Variants in AUTS2 observed in about 807,000 individuals in gnomAD.
AUTS2 encodes the protein autism susceptibility gene 2 protein.
AUTS2 carries 17 observed loss-of-function variants against 112.4 expected under a neutral mutation model. That is an observed-to-expected ratio of 0.15 (90% CI 0.10 to 0.23). AUTS2 has a LOEUF of 0.23. AUTS2 is among the 10% of genes least tolerant of loss of function. The pLI is 1.00. For missense variants in AUTS2, 1,510 were observed against 1,701.6 expected, an observed-to-expected ratio of 0.89 and a Z score of 1.98; for synonymous variants, 751 against 702.7, an observed-to-expected ratio of 1.07 and a Z score of -1.09.
At chr7:70,605,546 C>CTTTTTTTTTTTTTTTTTTTTTTTTCTT in intron 5 of AUTS2, among the ~76,000 whole-genome samples, 1 of 70,664 alleles carries the variant, frequency 1.4e-5, no homozygotes, top group Non-Finnish European at 2.4e-5. Flanking sequence ...CCTTCTTTCT[C>CTTTTTTTTTTTTTTTTTTTTTTTTCTT]TTTTTTTTTT....
At chr7:70,579,330 G>T (rs769600954) in intron 5 of AUTS2, among the ~76,000 whole-genome samples, 1 of 148,592 alleles carries the variant, frequency 6.7e-6, no homozygotes, top group African/African-American at 2.5e-5. Flanking sequence ...GCAATGCTGA[G>T]AAGTGTCACT....
chr7:70,718,668 C>G (rs544359424), intron 6 of AUTS2, among the ~76,000 whole-genome samples: 1 of 152,112 alleles, frequency 6.6e-6, no homozygotes, highest in Non-Finnish European at 1.5e-5. Context: ...GTCTCAAAAA[C>G]AAACAAACAA....
intron 4 of AUTS2, among the ~76,000 whole-genome samples, chr7:70,386,628 A>G (rs184050965): frequency 2.6e-5 from 4 of 152,234 alleles, no homozygotes; most frequent in African/African-American, 9.6e-5. Context: ...AAGTCCAGTT[A>G]TATCTGCAAG....
intron 2 of AUTS2, among the ~76,000 whole-genome samples, chr7:69,931,525 A>T (rs1031247834): frequency 6.6e-6 from 1 of 152,072 alleles, no homozygotes; most frequent in Admixed American, 6.6e-5. Context: ...GTTCTGCTGT[A>T]TTCATTGTGG....
intron 4 of AUTS2, among the ~76,000 whole-genome samples, chr7:70,236,651 A>C (rs1483139435): frequency 6.6e-6 from 1 of 152,104 alleles, no homozygotes; most frequent in Non-Finnish European, 1.5e-5. Context: ...TTCAGTGAAA[A>C]TTGTTTCTTT....
At chr7:70,756,013 T>C (rs1789174081) in intron 6 of AUTS2, among the ~76,000 whole-genome samples, 1 of 152,152 alleles carries the variant, frequency 6.6e-6, no homozygotes, top group Non-Finnish European at 1.5e-5. Context: ...CTCCTCCTCC[T>C]CCTCAATTTT....
At chr7:70,606,534 C>T (rs1803777373) in intron 5 of AUTS2, among the ~76,000 whole-genome samples, 1 of 152,100 alleles carries the variant, frequency 6.6e-6, no homozygotes, top group Non-Finnish European at 1.5e-5. Context: ...GTGCAGCGCC[C>T]ATAAGCTTTT....
chr7:70,670,754 C>A (rs1479871896), intron 5 of AUTS2, among the ~76,000 whole-genome samples: 2 of 152,162 alleles, frequency 1.3e-5, no homozygotes, highest in African/African-American at 4.8e-5. Flanking sequence ...AACCCTCATC[C>A]CCTTAAACTT....
intron 2 of AUTS2, among the ~76,000 whole-genome samples, chr7:70,041,824 G>GTA (rs1801261598): frequency 6.6e-6 from 1 of 152,060 alleles, no homozygotes; most frequent in Admixed American, 6.6e-5. Context: ...AACAGTGAAG[G>GTA]TAATATTTTC....
chr7:70,568,698 A>G (rs1585313066), intron 5 of AUTS2, among the ~76,000 whole-genome samples: 1 of 152,280 alleles, frequency 6.6e-6, no homozygotes, highest in Middle Eastern at 3.4e-3. Flanking sequence ...CTTGGTTATC[A>G]TGCACTGCTC....
chr7:70,414,569 C>T (rs1182625166), intron 4 of AUTS2, among the ~76,000 whole-genome samples: 1 of 152,116 alleles, frequency 6.6e-6, no homozygotes, highest in Non-Finnish European at 1.5e-5. Flanking sequence ...AACGTGATGT[C>T]AGGAGAGACG....
chr7:70,379,691 AAT>A (rs1793280500), intron 4 of AUTS2, among the ~76,000 whole-genome samples: 1 of 152,112 alleles, frequency 6.6e-6, no homozygotes, highest in Non-Finnish European at 1.5e-5. Context: ...GAAATATTCA[AAT>A]ACAGGCTAGA....
At chr7:70,117,415 T>A (rs1805440092) in intron 2 of AUTS2, among the ~76,000 whole-genome samples, 1 of 152,164 alleles carries the variant, frequency 6.6e-6, no homozygotes, top group Non-Finnish European at 1.5e-5. Flanking sequence ...TTTGTTTCTT[T>A]TTTTGAGACA....
At chr7:70,746,624 C>T (rs528591795) in intron 6 of AUTS2, among the ~76,000 whole-genome samples, 4 of 152,038 alleles carry the variant, frequency 2.6e-5, no homozygotes, top group Non-Finnish European at 2.9e-5. Context: ...AGGGGTTAAC[C>T]GTGAGGCTGA....
intron 4 of AUTS2, among the ~76,000 whole-genome samples, chr7:70,284,766 A>G (rs1584973163): frequency 6.6e-6 from 1 of 152,158 alleles, no homozygotes; most frequent in Non-Finnish European, 1.5e-5. Context: ...TGATGTAGAG[A>G]TGGGGTCTGG....
chr7:70,341,206 A>G (rs1009189171), intron 4 of AUTS2, among the ~76,000 whole-genome samples: 1 of 152,200 alleles, frequency 6.6e-6, no homozygotes, highest in African/African-American at 2.4e-5. Context: ...AGGTGATATC[A>G]TTGCTTTTTA....
chr7:70,436,900 G>C (rs1348256927), intron 5 of AUTS2: 2 of 152,232 alleles, frequency 1.3e-5, no homozygotes, highest in Non-Finnish European at 2.9e-5. Context: ...ATATTCAGAT[G>C]AAGACAAATG....
chr7:69,717,800 T>C (rs930083867), intron 1 of AUTS2, among the ~76,000 whole-genome samples: 4 of 152,158 alleles, frequency 2.6e-5, no homozygotes, highest in Admixed American at 6.5e-5. Flanking sequence ...ACCCCCAATA[T>C]ATGCAGTGTC....
At chr7:70,140,555 G>GTAC (rs1376263559) in intron 4 of AUTS2, among the ~76,000 whole-genome samples, 2 of 152,138 alleles carry the variant, frequency 1.3e-5, no homozygotes, top group Admixed American at 6.5e-5. Flanking sequence ...CCACTTGGCA[G>GTAC]TACTTGCTGT....
Sources: gnomAD v4.1 joint callset for allele counts (sites outside exome capture counted in the v4.1 genomes callset) on GRCh38, gnomAD v4.1.1 for gene constraint, MANE v1.5 for transcripts, NCBI Gene and HGNC (gene_info 2026-07-23, HGNC 2026-07-21) for gene names.